The following RNF8 variants were observed in gnomAD, a reference collection of about 807,000 sequenced individuals.
The protein encoded by RNF8 is E3 ubiquitin-protein ligase RNF8.
RNF8 carries 8 observed loss-of-function variants against 59.3 expected under a neutral mutation model. The ratio of observed to expected loss-of-function variants is 0.13; its 90% CI spans 0.08 to 0.24. The LOEUF is 0.24. Ranked by LOEUF, RNF8 falls within the 10% of genes least tolerant of loss-of-function variation. The pLI, the probability that RNF8 is intolerant of heterozygous loss-of-function variation, is 1.00. For synonymous variants in RNF8, 162 were observed against 200.0 expected (o/e 0.81, Z 1.60); for missense variants, 406 against 572.6 (o/e 0.71, Z 2.97).
intron 1 of RNF8, chr6:37,359,182 G>A: frequency 2.2e-6 from 1 of 453,260 alleles, no homozygotes; most frequent in South Asian, 1.6e-5. Context: ...TTCCTTCACA[G>A]GGTTGTTATG....
chr6:37,385,623 C>A (rs569434669), intron 7 of RNF8, among the ~76,000 whole-genome samples: 16 of 150,878 alleles, frequency 1.1e-4, no homozygotes, highest in Non-Finnish European at 1.6e-4. Context: ...GACTTCGTCT[C>A]AAAAAAACGA....
chr6:37,384,233 C>T lies in RNF8; in HGVS notation c.1441+2879C>T, dbSNP rs189153835. ...TTGGCTCACTGCAACCTCCCCCTCC[C>T]GGGTTTAAGTGATTCTCCTCCCTCA... On this transcript the variant is annotated intron_variant, in intron 7 of 7. Coordinates refer to ENST00000373479, the MANE Select transcript of RNF8 (RefSeq NM_003958.4). 1.8e-4 allele frequency among the ~76,000 whole-genome samples: 28 copies of T among 151,910 alleles called. No individual in the cohort carries two copies. In the East Asian group the frequency reaches 3.9e-3, roughly 21 times the overall value.
intron 1 of RNF8, among the ~76,000 whole-genome samples, chr6:37,357,177 A>G (rs1010312736): frequency 3.3e-5 from 5 of 152,242 alleles, no homozygotes; most frequent in African/African-American, 1.2e-4. Context: ...ACTATTGTAA[A>G]TGAAAACAAC....
Position 37,394,185 on chromosome 6 carries a change from C to T in RNF8, c.*3427C>T, listed in dbSNP as rs1770800166. Reference sequence around the variant, plus strand: ...TCTGTCTCTTGCTCTGAGATACAGACTTGTTCATAGGTGTGGGGCCTGATT... The same window carrying T: ...TCTGTCTCTTGCTCTGAGATACAGATTTGTTCATAGGTGTGGGGCCTGATT... On this transcript the variant is annotated 3_prime_UTR_variant, in exon 8 of 8. Coordinates refer to ENST00000373479, the MANE Select transcript of RNF8 (RefSeq NM_003958.4). 1 of 152,186 alleles carries T rather than the reference C, an allele frequency of 6.6e-6. No homozygotes were observed. Among genetic ancestry groups the T allele is most frequent in the African/African-American group, 2.4e-5 (1 of 41,458 alleles). The allele number at this position is 152,186 out of a possible 1,614,324, so 9.4% of individuals were successfully genotyped here. A position where few individuals can be genotyped will look rare whatever the true frequency, so the allele number is the denominator to read the frequency against.
chr6:37,394,649 C>G lies in RNF8; in HGVS notation c.*3891C>G, dbSNP rs564172305. The G allele has an allele frequency of 2.6e-5, 4 of 152,328 alleles. No homozygotes were observed. In the South Asian group the frequency reaches 8.3e-4, roughly 32 times the overall value. 9.4% of individuals were successfully genotyped at this position (152,328 alleles called of 1,614,324 possible). A position where few individuals can be genotyped will look rare whatever the true frequency, so the allele number is the denominator to read the frequency against. ...AGCCACTATCTCTGCTGTCCACTTTCCTTCAGGCTCTGTGAATACTTCAAC... is the reference window on the plus strand; with the variant it reads ...AGCCACTATCTCTGCTGTCCACTTTGCTTCAGGCTCTGTGAATACTTCAAC... On this transcript the variant is annotated 3_prime_UTR_variant, in exon 8 of 8. Coordinates refer to ENST00000373479, the MANE Select transcript of RNF8 (RefSeq NM_003958.4).
intron 3 of RNF8, 115 bp from the exon 4 acceptor site, chr6:37,371,397 A>G: frequency 1.4e-6 from 1 of 732,608 alleles, no homozygotes; most frequent in East Asian, 2.7e-5. Context: ...CTGCTCCCTC[A>G]CCCCTGTTGT....
At chr6:37,367,477 C>G (rs1323161092) in intron 2 of RNF8, among the ~76,000 whole-genome samples, 2 of 152,190 alleles carry the variant, frequency 1.3e-5, no homozygotes, top group African/African-American at 4.8e-5. Flanking sequence ...AATCTTGGCT[C>G]ACGGCATCCT....
chr6:37,369,458 AC>A (rs1245228492), intron 3 of RNF8, among the ~76,000 whole-genome samples: 3 of 152,196 alleles, frequency 2.0e-5, no homozygotes, highest in Non-Finnish European at 4.4e-5. Flanking sequence ...GGGTAAAGTG[AC>A]CAGCAGAGCC....
chr6:37,363,988 G>C (rs1769439866), intron 2 of RNF8, among the ~76,000 whole-genome samples: 1 of 151,998 alleles, frequency 6.6e-6, no homozygotes, highest in Admixed American at 6.6e-5. Context: ...GACCATCCTG[G>C]CTAACATGGT....
chr6:37,392,265 T>C lies in RNF8; in HGVS notation c.*1507T>C, dbSNP rs1770746366. 2 of 394,624 alleles carry C rather than the reference T, an allele frequency of 5.1e-6. No individual in the cohort carries two copies. Among genetic ancestry groups the C allele is most frequent in the Non-Finnish European group, 8.9e-6 (2 of 224,066 alleles). 24.4% of individuals were successfully genotyped at this position (394,624 alleles called of 1,614,324 possible). ...AACTTCTTGTTTCCCCATACATGTG[T>C]TTTGTTTATAGATTGCATGGGTATA... On this transcript the variant is annotated 3_prime_UTR_variant, in exon 8 of 8. Transcript: ENST00000373479.
At chr6:37,377,400 C>T (rs931723944) in intron 6 of RNF8, among the ~76,000 whole-genome samples, 1 of 152,104 alleles carries the variant, frequency 6.6e-6, no homozygotes, top group African/African-American at 2.4e-5. Flanking sequence ...TCTCCCAACC[C>T]TGAATGAAGC....
At chr6:37,354,683 C>CG (rs1391054758) in intron 1 of RNF8, among the ~76,000 whole-genome samples, 4 of 145,632 alleles carry the variant, frequency 2.7e-5, no homozygotes, top group African/African-American at 7.7e-5. Flanking sequence ...AGGAGAGGGA[C>CG]GCGCAGGGAA....
chr6:37,392,361 C>G lies in RNF8; in HGVS notation c.*1603C>G. ...ATTTTTAAGAGAGTACAGACATACACTTTTTGAGTAGGCAATATGTTCACA... is the reference window on the plus strand; with the variant it reads ...ATTTTTAAGAGAGTACAGACATACAGTTTTTGAGTAGGCAATATGTTCACA... On this transcript the variant is annotated 3_prime_UTR_variant, in exon 8 of 8. Coordinates refer to ENST00000373479, the MANE Select transcript of RNF8 (RefSeq NM_003958.4). 1 of 398,130 alleles carries G rather than the reference C, an allele frequency of 2.5e-6. No individual in the cohort carries two copies. 24.7% of individuals were successfully genotyped at this position (398,130 alleles called of 1,614,324 possible). A position where few individuals can be genotyped will look rare whatever the true frequency, so the allele number is the denominator to read the frequency against.
chr6:37,360,333 T>C lies in RNF8; in HGVS notation c.112-113T>C. On this transcript the variant is annotated intron_variant, in intron 1 of 7. Coordinates refer to ENST00000373479, the MANE Select transcript of RNF8 (RefSeq NM_003958.4). This position sits in a 1 kb window ranked among gnomAD's most constrained non-coding sequence, Gnocchi z 4.2. ...ATGCACTGTTTTGGTTCCACAGGTG[T>C]CTGGTTTCTTAAGTCAGGACCTGCA... 1 of 1,274,736 alleles carries C rather than the reference T, an allele frequency of 7.8e-7. No homozygotes were observed. Among genetic ancestry groups the C allele is most frequent in the Non-Finnish European group, 1.1e-6 (1 of 889,086 alleles). The allele number at this position is 1,274,736 out of a possible 1,614,324, so 79.0% of individuals were successfully genotyped here.
At chr6:37,365,440 C>A (rs1769510064) in intron 2 of RNF8, among the ~76,000 whole-genome samples, 1 of 152,214 alleles carries the variant, frequency 6.6e-6, no homozygotes. Flanking sequence ...CTATCTCAGA[C>A]CACTTAACTC....
rs560787971 is a variant in RNF8, at chr6:37,390,834, C to T, written c.*76C>T. 85 of 1,613,514 alleles carry T rather than the reference C, an allele frequency of 5.3e-5. 1 individual carries two copies. In the South Asian group the frequency reaches 6.1e-4, roughly 12 times the overall value. ...GATGGTCTGGAGGATTCTCTCTAGCCGTGACTCCGCTGCTCTGAAGGTCAA... is the reference window on the plus strand; with the variant it reads ...GATGGTCTGGAGGATTCTCTCTAGCTGTGACTCCGCTGCTCTGAAGGTCAA... On this transcript the variant is annotated 3_prime_UTR_variant, in exon 8 of 8. Transcript: ENST00000373479.
At chr6:37,361,965 C>T (rs911293305) in intron 2 of RNF8, among the ~76,000 whole-genome samples, 8 of 152,196 alleles carry the variant, frequency 5.3e-5, no homozygotes, top group Non-Finnish European at 1.5e-5. Context: ...TGAGCCAGGA[C>T]TTAAGTTTCT....
chr6:37,375,676 G>T lies in RNF8; in HGVS notation c.1128+967G>T, dbSNP rs565841192. On this transcript the variant is annotated intron_variant, in intron 5 of 7. Transcript: ENST00000373479. ...ACCCAGTGATTCATAAGTTCTCAGGGAATTTGACTATGGTTAGAAATGGGT... is the reference window on the plus strand; with the variant it reads ...ACCCAGTGATTCATAAGTTCTCAGGTAATTTGACTATGGTTAGAAATGGGT... Among the ~76,000 whole-genome samples, 21 of 152,266 alleles carry T rather than the reference G, an allele frequency of 1.4e-4. No individual in the cohort carries two copies. In the East Asian group the frequency reaches 3.9e-3, roughly 28 times the overall value.
chr6:37,381,309 T>A lies in RNF8; in HGVS notation c.1396T>A (p.Ser466Thr). 2 of 1,614,136 alleles carry A rather than the reference T, an allele frequency of 1.2e-6. No individual in the cohort carries two copies. Among genetic ancestry groups the A allele is most frequent in the Non-Finnish European group, 1.7e-6 (2 of 1,180,034 alleles). ...TAATAAGATGGTAAATAATCTGAGC[T>A]CAGAAGTGAAAGAACGACGAATTGT... is the stretch of plus-strand genomic sequence containing the variant. Reference protein sequence around the residue: ...CINKMVNNLSSEVKERRIVLI... With the variant: ...CINKMVNNLSTEVKERRIVLI... Residue 466 changes from serine (S) to threonine (T), a missense_variant, in exon 7 of 8, where the codon TCA becomes ACA. Physicochemically the swap from Ser to Thr is moderately conservative, Grantham distance 58. Around this residue, in one of 3 missense-constraint regions of RNF8, gnomAD observed 59 missense variants for 118.5 expected, o/e 0.50. Coordinates refer to ENST00000373479, the MANE Select transcript of RNF8 (RefSeq NM_003958.4).
Sources: gnomAD v4.1 joint callset for allele counts (sites outside exome capture counted in the v4.1 genomes callset) on GRCh38, gnomAD v4.1.1 for gene constraint, gnomAD v4.1.1 regional missense constraint, Gnocchi (gnomAD v3.1) non-coding constraint, MANE v1.5 for transcripts, NCBI Gene and HGNC (gene_info 2026-07-23, HGNC 2026-07-21) for gene names.